Variants in LRRN4 observed in about 807,000 individuals in gnomAD.
The protein encoded by LRRN4 is leucine rich repeat neuronal 4.
In LRRN4, 26 loss-of-function variants were observed where a neutral mutation model predicts 22.3. The observed-to-expected ratio is 1.16, with a 90% CI of 0.85 to 1.62. LRRN4 has a LOEUF of 1.62. LRRN4 is among the 40% of genes most tolerant of loss of function. The probability of loss-of-function intolerance (pLI) is 0.00; values close to 1 mark genes in which losing one functional copy is unlikely to be tolerated. For synonymous variants in LRRN4, 496 were observed against 486.2 expected (o/e 1.02, Z -0.26); for missense variants, 1,070 against 1,008.5 (o/e 1.06, Z -0.83).
intron 4 of LRRN4, among the ~76,000 whole-genome samples, chr20:6,043,953 G>T (rs1372319947): frequency 6.6e-6 from 1 of 152,090 alleles, no homozygotes; most frequent in African/African-American, 2.4e-5. Context: ...GGTGAGGGGG[G>T]TTGCCTCCCA....
rs763896393 is a variant in LRRN4 at position 6,044,577 on chromosome 20, G to T, written c.964C>A (p.Leu322Ile). Reference sequence around the variant, plus strand: ...ACAGTTCTCTTTGCATCCGTGAGGAGCCAAGACAAGTCACAACTGCAAGTG... The same window carrying T: ...ACAGTTCTCTTTGCATCCGTGAGGATCCAAGACAAGTCACAACTGCAAGTG... ...PLTCSCDLSW[L>I]LTDAKRTVLS... Residue 322 changes from leucine to isoleucine, a missense_variant, in exon 4 of 5, where the codon CTC becomes ATC. By Grantham distance (5) the Leu-to-Ile change is conservative. Transcript: ENST00000378858. The T allele has an allele frequency of 1.3e-6, 2 of 1,591,766 alleles. No homozygotes were observed. The highest frequency in any genetic ancestry group is 1.7e-6 in the Non-Finnish European group (2 of 1,169,310).
intron 3 of LRRN4, among the ~76,000 whole-genome samples, chr20:6,045,034 A>T (rs1002811517): frequency 1.7e-4 from 25 of 151,008 alleles, no homozygotes; most frequent in Non-Finnish European, 1.3e-4. Flanking sequence ...CTGAAGTGGG[A>T]AAGGAAGAGG....
rs367873348 is a variant in LRRN4 at position 6,041,174 on chromosome 20, T to C, written c.2071A>G (p.Ser691Gly). ...ACGGTGCTGGCGAGCAACAGGCCGC[T>C]GGCGGCGCACAGCCCAGAGAGCAGG... is the stretch of plus-strand genomic sequence containing the variant. ...ALLLSGLCAA[S>G]GLLLASTVVL... is the part of the protein sequence containing the mutation. The change falls in exon 5 of 5, where the codon AGC becomes GGC. Residue 691 changes from serine to glycine, a missense_variant. By Grantham distance (56) the Ser-to-Gly change is moderately conservative. Transcript: ENST00000378858. This position sits in a 1 kb window ranked among gnomAD's most constrained non-coding sequence, Gnocchi z 9.4. 1.3e-6 allele frequency: 2 copies of C among 1,599,552 alleles called. No individual in the cohort carries two copies. The highest frequency in any genetic ancestry group is 1.7e-5 in the Admixed American group (1 of 58,128).
intron 3 of LRRN4, among the ~76,000 whole-genome samples, chr20:6,049,717 G>A (rs141176586): frequency 6.6e-6 from 1 of 152,154 alleles, no homozygotes; most frequent in East Asian, 1.9e-4. Context: ...TGGCCAGGCT[G>A]GTCTCGAACT....
At chr20:6,048,510 G>C (rs1426380111) in intron 3 of LRRN4, among the ~76,000 whole-genome samples, 1 of 152,184 alleles carries the variant, frequency 6.6e-6, no homozygotes, top group African/African-American at 2.4e-5. Context: ...TTCTGATTCT[G>C]CTATTTACTA....
chr20:6,043,948 G>A (rs1481260231), intron 4 of LRRN4, among the ~76,000 whole-genome samples: 3 of 152,112 alleles, frequency 2.0e-5, no homozygotes. Context: ...ATGGTGGTGA[G>A]GGGGGTTGCC....
intron 4 of LRRN4, 81 bp from the exon 5 acceptor site, chr20:6,042,327 G>C (rs956144402): frequency 6.9e-7 from 1 of 1,459,530 alleles, no homozygotes; most frequent in Non-Finnish European, 9.1e-7. Flanking sequence ...CATTGCCGAC[G>C]TCACCCCCTG....
rs1004875685 is a variant in LRRN4 at position 6,040,581 on chromosome 20, T to C, written c.*441A>G. Among the ~76,000 whole-genome samples, 1 of 152,222 alleles carries C rather than the reference T, an allele frequency of 6.6e-6. No individual in the cohort carries two copies. The highest frequency in any genetic ancestry group is 2.4e-5 in the African/African-American group (1 of 41,460). On this transcript the variant is annotated 3_prime_UTR_variant, in exon 5 of 5. Transcript: ENST00000378858. ...TTGATTTCTTGAATAACAGAGCTCG[T>C]TGTGTCTTAGAGCTTGACCATGAAG...
At chr20:6,053,318 G>C (rs1981312713) in intron 1 of LRRN4, among the ~76,000 whole-genome samples, 1 of 152,154 alleles carries the variant, frequency 6.6e-6, no homozygotes. Context: ...CCCAGCCGCA[G>C]GGGAATCCTA....
At chr20:6,045,752 G>T (rs1000871629) in intron 3 of LRRN4, among the ~76,000 whole-genome samples, 2 of 149,022 alleles carry the variant, frequency 1.3e-5, no homozygotes, top group Admixed American at 6.7e-5. Flanking sequence ...GATTAGCTCA[G>T]CTGGGGCCAG....
Position 6,050,944 on chromosome 20 carries a change from G to A in LRRN4, c.695C>T (p.Ser232Phe). 1 of 1,614,120 alleles carries A rather than the reference G, an allele frequency of 6.2e-7. No homozygotes were observed. Among genetic ancestry groups the A allele is most frequent in the East Asian group, 2.2e-5 (1 of 44,880 alleles). The change falls in exon 3 of 5, where the codon TCC becomes TTC. Residue 232 changes from serine to phenylalanine, a missense_variant. Ser to Phe is a radical substitution (Grantham distance 155, BLOSUM62 -2). Transcript: ENST00000378858. ...CCGAGGCATCTTCCTCAGGTAGAGG[G>A]ATGTGAGCTTCGGCAGGTCTCTGAT... ...GWIRDLPKLT[S>F]LYLRKMPRLT... is the part of the protein sequence containing the mutation.
intron 3 of LRRN4, among the ~76,000 whole-genome samples, chr20:6,048,148 C>T (rs774970946): frequency 6.6e-6 from 1 of 152,148 alleles, no homozygotes; most frequent in Non-Finnish European, 1.5e-5. Context: ...ACTAGGGCTC[C>T]TGATGGTTTT....
intron 3 of LRRN4, among the ~76,000 whole-genome samples, chr20:6,045,011 C>G (rs1299322667): frequency 6.6e-6 from 1 of 151,862 alleles, no homozygotes; most frequent in African/African-American, 2.4e-5. Context: ...AAAGGAAATG[C>G]TTTTCTTTTT....
rs1980912598 is a variant in LRRN4, at chr20:6,041,027, T to A, written c.2218A>T (p.Ser740Cys). The change falls in exon 5 of 5, where the codon AGT (serine) becomes TGT (cysteine). Residue 740 changes from serine to cysteine, a missense_variant. By Grantham distance (112) the Ser-to-Cys change is moderately radical. Coordinates refer to ENST00000378858, the MANE Select transcript of LRRN4 (RefSeq NM_152611.5). The surrounding 1 kb of genome is among the most constrained non-coding windows in gnomAD (Gnocchi z 9.4). ...DDYPLGLQTV[S>C] ...GCGTTATCCCAGAAGCTGGGCTAAC[T>A]GACGGTCTGGAGCCCCAGCGGGTAA... is the stretch of plus-strand genomic sequence containing the variant. The A allele has an allele frequency of 3.1e-6, 5 of 1,603,224 alleles. No individual in the cohort carries two copies. In the African/African-American group the frequency reaches 5.4e-5, roughly 17 times the overall value.
intron 3 of LRRN4, among the ~76,000 whole-genome samples, chr20:6,046,012 A>G (rs1981092410): frequency 6.7e-6 from 1 of 148,722 alleles, no homozygotes; most frequent in African/African-American, 2.4e-5. Flanking sequence ...AGAGCAATAG[A>G]CTCCTTGAAA....
intron 3 of LRRN4, 154 bp downstream of exon 3, chr20:6,050,625 A>G: frequency 3.8e-6 from 3 of 784,042 alleles, no homozygotes; most frequent in East Asian, 2.5e-5. Flanking sequence ...CCTACCCAAG[A>G]TATCACCCAA....
rs780408551 is a variant in LRRN4 at position 6,044,627 on chromosome 20, G to T, written c.914C>A (p.Ser305Ter). The T allele has an allele frequency of 6.3e-7, 1 of 1,597,058 alleles. No homozygotes were observed. Among genetic ancestry groups the T allele is most frequent in the East Asian group, 2.3e-5 (1 of 44,160 alleles). ...GAGGGGGTTGCCAAAGAGGTTGATC[G>T]ATAGGACCTGGGAGGAATCCAGGGT... is the stretch of plus-strand genomic sequence containing the variant. ...PWTLDSSQVL[S>*]INLFGNPLTC... The change falls in exon 4 of 5, where the codon TCG (serine) becomes TAG (stop). Residue 305 changes from serine (S) to a stop codon, truncating the protein, a stop_gained. Transcript: ENST00000378858. LOFTEE classifies it high-confidence loss of function.
At position 6,041,211 on chromosome 20, in the gene LRRN4, G is replaced by A. The variant is rs761952811; in HGVS notation, c.2034C>T (p.Pro678=). 1 of 1,588,308 alleles carries A rather than the reference G, an allele frequency of 6.3e-7. No homozygotes were observed. Residue 678 remains proline, a synonymous_variant, in exon 5 of 5, where the codon CCC becomes CCT. Transcript: ENST00000378858. This position sits in a 1 kb window ranked among gnomAD's most constrained non-coding sequence, Gnocchi z 9.4. The stretch of plus-strand genomic sequence containing the variant: ...GCCCAGAGAGCAGGAGCGCGAAGCT[G>A]GGCTTGGTGGTGAAGGCGGCGCACG... ...RSPCAAFTTK[P]SFALLLSGLC...
rs760576488 is a variant in LRRN4 at position 6,052,632 on chromosome 20, C to T, written c.168G>A (p.Ala56=). 1.3e-5 allele frequency: 21 copies of T among 1,587,418 alleles called. 1 individual carries two copies. The South Asian group carries it at 1.3e-4, about 10-fold the overall frequency. Residue 56 remains alanine, a synonymous_variant, in exon 2 of 5, where the codon GCG becomes GCA. Transcript: ENST00000378858. ...TGCGGTTCGCCAGGGTCAAGGCCGTCGCATCCGCGGCGGGCAGCCCCTCGC... is the reference window on the plus strand; with the variant it reads ...TGCGGTTCGCCAGGGTCAAGGCCGTTGCATCCGCGGCGGGCAGCCCCTCGC... ...SPCEGLPAAD[A]TALTLANRNL... is the part of the protein sequence containing the mutation.
Sources: allele counts gnomAD v4.1 joint callset (sites outside exome capture counted in the v4.1 genomes callset), GRCh38; gene constraint gnomAD v4.1.1; non-coding constraint Gnocchi (gnomAD v3.1); transcripts MANE v1.5; gene names NCBI Gene and HGNC (gene_info 2026-07-23, HGNC 2026-07-21).